Variants in SHISA6 observed in about 807,000 individuals in gnomAD.
SHISA6 encodes protein shisa-6.
In SHISA6, 22 loss-of-function variants were observed where a neutral mutation model predicts 47.9. The observed-to-expected ratio is 0.46, with a 90% CI of 0.33 to 0.66. SHISA6 has a LOEUF of 0.66. Among genes scored for constraint, SHISA6 ranks in the 30% least tolerant of loss-of-function variants. The pLI is 0.02. For missense variants in SHISA6, 680 were observed against 764.6 expected, an observed-to-expected ratio of 0.89 and a Z score of 1.30; for synonymous variants, 388 against 337.8, an observed-to-expected ratio of 1.15 and a Z score of -1.63.
At chr17:11,353,396 G>A (rs1453379470) in intron 2 of SHISA6, among the ~76,000 whole-genome samples, 7 of 151,410 alleles carry the variant, frequency 4.6e-5, no homozygotes, top group African/African-American at 1.7e-4. Context: ...GGCAGAGGTT[G>A]CAGTGAGCCG....
At chr17:11,278,114 T>C (rs1165403040) in intron 2 of SHISA6, among the ~76,000 whole-genome samples, 2 of 152,194 alleles carry the variant, frequency 1.3e-5, no homozygotes, top group Non-Finnish European at 2.9e-5. Context: ...TGAGCTGCTG[T>C]GGCTGTCCTC....
At chr17:11,444,392 A>G (rs144525870) in intron 3 of SHISA6, among the ~76,000 whole-genome samples, 88 of 152,272 alleles carry the variant, frequency 5.8e-4, no homozygotes, top group African/African-American at 1.8e-3. Flanking sequence ...ACCATATTTT[A>G]TGAAAACACC....
intron 2 of SHISA6, among the ~76,000 whole-genome samples, chr17:11,275,759 A>ACT (rs964571896): frequency 2.6e-5 from 4 of 152,116 alleles, no homozygotes; most frequent in Non-Finnish European, 4.4e-5. Flanking sequence ...CTTGGTATGA[A>ACT]GAAGAGACCA....
At chr17:11,541,783 T>C (rs1408674147) in intron 3 of SHISA6, among the ~76,000 whole-genome samples, 1 of 152,136 alleles carries the variant, frequency 6.6e-6, no homozygotes, top group Non-Finnish European at 1.5e-5. Context: ...GAGCTTCCCC[T>C]TCATCTCCAC....
At chr17:11,282,090 A>G (rs1484283368) in intron 2 of SHISA6, among the ~76,000 whole-genome samples, 1 of 152,210 alleles carries the variant, frequency 6.6e-6, no homozygotes. Context: ...TATCTTTACA[A>G]AACCTTTCCT....
chr17:11,431,843 C>T (rs1040421665), intron 3 of SHISA6, among the ~76,000 whole-genome samples: 2 of 152,194 alleles, frequency 1.3e-5, no homozygotes, highest in Non-Finnish European at 2.9e-5. Flanking sequence ...TCCTTGGGCT[C>T]ACCTGTGTTT....
chr17:11,547,475 G>C (rs1047266418), intron 3 of SHISA6, among the ~76,000 whole-genome samples: 3 of 152,148 alleles, frequency 2.0e-5, no homozygotes, highest in Non-Finnish European at 4.4e-5. Flanking sequence ...TTGGGTCAAA[G>C]AGAAAACTAA....
At chr17:11,403,819 G>C (rs181888835) in intron 3 of SHISA6, among the ~76,000 whole-genome samples, 30 of 152,274 alleles carry the variant, frequency 2.0e-4, no homozygotes, top group African/African-American at 5.8e-4. Context: ...TCCCTCCCTC[G>C]ATAATTGGAG....
chr17:11,554,291 A>G (rs1249642048), intron 4 of SHISA6, among the ~76,000 whole-genome samples: 1 of 151,996 alleles, frequency 6.6e-6, no homozygotes, highest in Non-Finnish European at 1.5e-5. Context: ...TCTAATGGGG[A>G]TGTAGAGCAC....
At chr17:11,263,063 G>A (rs1908294114) in intron 1 of SHISA6, among the ~76,000 whole-genome samples, 1 of 152,140 alleles carries the variant, frequency 6.6e-6, no homozygotes, top group African/African-American at 2.4e-5. Context: ...ATACCTGCCT[G>A]GCATAGGTGG....
At position 11,519,717 on chromosome 17, in the gene SHISA6, CAT is replaced by C. The variant is rs374209821; in HGVS notation, c.896-32176_896-32175del. Among the ~76,000 whole-genome samples, 373 of 152,262 alleles carry C rather than the reference CAT, an allele frequency of 2.4e-3. 1 individual carries two copies. The highest frequency in any genetic ancestry group is 8.6e-3 in the African/African-American group (356 of 41,534). On this transcript the variant is annotated intron_variant, in intron 3 of 5. Coordinates refer to ENST00000441885, the MANE Select transcript of SHISA6 (RefSeq NM_207386.4). ...AAATACCTGCCCCCCACCAAACTCC[CAT>C]ATGTTTCTCAGCCCATAACCAGTCT...
Position 11,327,311 on chromosome 17 carries a change from T to G in SHISA6, c.800-52103T>G, listed in dbSNP as rs146647286. On this transcript the variant is annotated intron_variant, in intron 2 of 5. Coordinates refer to ENST00000441885, the MANE Select transcript of SHISA6 (RefSeq NM_207386.4). ...CAAAAGATCACCATGATGGGGTTTC[T>G]ACTGCTCACTAACCAAATGACCTTG... 6.1e-3 allele frequency among the ~76,000 whole-genome samples: 931 copies of G among 152,352 alleles called. 2 individuals are homozygous for G. Among genetic ancestry groups the G allele is most frequent in the Non-Finnish European group, 9.6e-3 (653 of 68,040 alleles).
chr17:11,504,824 G>T (rs2071485227), intron 3 of SHISA6, among the ~76,000 whole-genome samples: 3 of 152,112 alleles, frequency 2.0e-5, no homozygotes, highest in African/African-American at 7.2e-5. Flanking sequence ...GGAGCTTCAG[G>T]TCTCAGGTAT....
intron 3 of SHISA6, among the ~76,000 whole-genome samples, chr17:11,388,719 A>G (rs1259523943): frequency 1.4e-5 from 2 of 147,006 alleles, no homozygotes; most frequent in Non-Finnish European, 3.0e-5. Context: ...AAATGATTGC[A>G]TCAGAAGTAA....
chr17:11,505,422 A>T (rs1337719295), intron 3 of SHISA6, among the ~76,000 whole-genome samples: 4 of 152,362 alleles, frequency 2.6e-5, no homozygotes, highest in Middle Eastern at 3.4e-3. Context: ...TGGACTGCAG[A>T]ATCATGCTTT....
intron 2 of SHISA6, among the ~76,000 whole-genome samples, chr17:11,306,281 A>C (rs1332546814): frequency 1.3e-5 from 2 of 152,054 alleles, no homozygotes; most frequent in Non-Finnish European, 2.9e-5. Context: ...CCCCCACCAC[A>C]AGCCTTCATC....
chr17:11,525,819 A>G (rs1013228122), intron 3 of SHISA6, among the ~76,000 whole-genome samples: 1 of 151,838 alleles, frequency 6.6e-6, no homozygotes, highest in Non-Finnish European at 1.5e-5. Flanking sequence ...CCTGGGCAAC[A>G]TGGCAAAAAC....
intron 3 of SHISA6, among the ~76,000 whole-genome samples, chr17:11,427,448 C>A (rs983352880): frequency 5.3e-5 from 8 of 151,972 alleles, no homozygotes; most frequent in Non-Finnish European, 1.0e-4. Flanking sequence ...TCTTTCATAT[C>A]TTTTCCTGTT....
intron 2 of SHISA6, among the ~76,000 whole-genome samples, chr17:11,309,321 A>C (rs1437855518): frequency 1.3e-5 from 2 of 152,222 alleles, no homozygotes; most frequent in African/African-American, 4.8e-5. Flanking sequence ...TTCATCATTT[A>C]GGGAGAATAA....
Sources: gnomAD v4.1 joint callset for allele counts (sites outside exome capture counted in the v4.1 genomes callset) on GRCh38, gnomAD v4.1.1 for gene constraint, MANE v1.5 for transcripts, NCBI Gene and HGNC (gene_info 2026-07-23, HGNC 2026-07-21) for gene names.